Variants in PTPRF observed in about 807,000 individuals in gnomAD.
The protein encoded by PTPRF is protein tyrosine phosphatase receptor type F, also known as receptor-type tyrosine-protein phosphatase F.
PTPRF carries 59 observed loss-of-function variants against 201.8 expected under a neutral mutation model. The ratio of observed to expected loss-of-function variants is 0.29; its 90% CI spans 0.24 to 0.36. The LOEUF (loss-of-function observed/expected upper bound fraction) is 0.36, where lower values mean the gene tolerates loss of function less well. PTPRF is among the 10% of genes least tolerant of loss of function. The pLI is 1.00. For missense variants in PTPRF, 2,132 were observed against 2,690.5 expected, an observed-to-expected ratio of 0.79 and a Z score of 4.59; for synonymous variants, 1,088 against 1,089.7, an observed-to-expected ratio of 1.00 and a Z score of 0.03.
intron 2 of PTPRF, among the ~76,000 whole-genome samples, chr1:43,541,642 C>G (rs1644370248): frequency 6.6e-6 from 1 of 152,224 alleles, no homozygotes; most frequent in Non-Finnish European, 1.5e-5. Flanking sequence ...CTGTCCCCAT[C>G]ATTTCATACA....
At chr1:43,607,969 G>C (rs188622398) in intron 21 of PTPRF, among the ~76,000 whole-genome samples, 1 of 152,380 alleles carries the variant, frequency 6.6e-6, no homozygotes, top group East Asian at 1.9e-4. Flanking sequence ...TGAGCACCTG[G>C]CAGATGAAGA....
In PTPRF at chr1:43,612,638, C is replaced by T. The variant is rs551688479; in HGVS notation, c.3974-980C>T. 311 of 729,734 alleles carry T rather than the reference C, an allele frequency of 4.3e-4. 1 individual carries two copies. The African/African-American group carries it at 4.5e-3, about 11-fold the overall frequency. The allele number at this position is 729,734 out of a possible 1,614,324, so 45.2% of individuals were successfully genotyped here. A position where few individuals can be genotyped will look rare whatever the true frequency, so the allele number is the denominator to read the frequency against. ...CCCCTCACCGCCCCCTCCTCTTCTC[C>T]GCCAGCCCCTCGCAAGCCCGCTCGG... On this transcript the variant is annotated intron_variant, in intron 22 of 33. Coordinates refer to ENST00000359947, the MANE Select transcript of PTPRF (RefSeq NM_002840.5).
intron 22 of PTPRF, among the ~76,000 whole-genome samples, 187 bp downstream of exon 22, chr1:43,609,685 A>C (rs1437960820): frequency 6.6e-6 from 1 of 151,942 alleles, no homozygotes; most frequent in Non-Finnish European, 1.5e-5. Context: ...GAGCCCCCAT[A>C]TCCTGCAGCT....
rs1400048683 is a variant in PTPRF, at chr1:43,619,873, C to T, written c.5111+15C>T. 1.2e-6 allele frequency: 2 copies of T among 1,612,324 alleles called. No homozygotes were observed. On this transcript the variant is annotated intron_variant, in intron 29 of 33. Transcript: ENST00000359947. ...GATGGTTATAGGTCAGCATGCATGT[C>T]ACTGCCCCACCATGCCCTACAGGGG...
intron 1 of PTPRF, among the ~76,000 whole-genome samples, chr1:43,535,140 G>A (rs1283480639): frequency 6.6e-6 from 1 of 152,112 alleles, no homozygotes; most frequent in Non-Finnish European, 1.5e-5. Context: ...TCTGCCTAAG[G>A]TTGCTGCAAT....
At chr1:43,618,584 T>G (rs766394756) in intron 25 of PTPRF, 46 bp from the exon 26 acceptor site, 3 of 1,574,842 alleles carry the variant, frequency 1.9e-6, no homozygotes, top group Non-Finnish European at 2.6e-6. Context: ...TCTGCCCGTC[T>G]GAGCCTGTGG....
rs1645193514 is a variant in PTPRF at position 43,554,025 on chromosome 1, C to T, written c.379+84C>T. The T allele has an allele frequency of 6.5e-7, 1 of 1,542,786 alleles. No individual in the cohort carries two copies. Among genetic ancestry groups the T allele is most frequent in the African/African-American group, 1.4e-5 (1 of 73,328 alleles). On this transcript the variant is annotated intron_variant, in intron 5 of 33. Transcript: ENST00000359947. The surrounding 1 kb of genome is among the most constrained non-coding windows in gnomAD (Gnocchi z 4.1). ...GCCAGCCCTGATCCTGTCCTGGGCC[C>T]ATGTGCATTTGGCAGAAAGGAGGAC...
chr1:43,613,368 GGCC>G (rs1368876518), intron 22 of PTPRF: 3 of 465,124 alleles, frequency 6.4e-6, no homozygotes, highest in Non-Finnish European at 1.2e-5. Flanking sequence ...TGCCAGGCAG[GGCC>G]TAGTGCCCCC....
At chr1:43,532,009 C>T (rs952989816) in intron 1 of PTPRF, among the ~76,000 whole-genome samples, 4 of 152,200 alleles carry the variant, frequency 2.6e-5, no homozygotes, top group African/African-American at 9.7e-5. Flanking sequence ...TCTGTTCTTT[C>T]TCCCCAGGTC....
chr1:43,527,835 A>T (rs1643183826), upstream of PTPRF, among the ~76,000 whole-genome samples: 1 of 152,348 alleles, frequency 6.6e-6, no homozygotes, highest in Non-Finnish European at 1.5e-5. Flanking sequence ...TGCCAGGGCT[A>T]CAGAAGACTG....
In PTPRF at chr1:43,537,404, C is replaced by T. The variant is rs146062112; in HGVS notation, c.-125-794C>T. ...GGCATGTATGTTGGGGTGTGTTCTTCCAGGCTGGGCTGTTTTCTTTGAACT... is the reference window on the plus strand; with the variant it reads ...GGCATGTATGTTGGGGTGTGTTCTTTCAGGCTGGGCTGTTTTCTTTGAACT... On this transcript the variant is annotated intron_variant, in intron 1 of 33. Transcript: ENST00000359947. The surrounding 1 kb of genome is among the most constrained non-coding windows in gnomAD (Gnocchi z 4.8). 9.3e-4 allele frequency among the ~76,000 whole-genome samples: 141 copies of T among 152,308 alleles called. No individual in the cohort carries two copies. Among genetic ancestry groups the T allele is most frequent in the African/African-American group, 3.2e-3 (135 of 41,560 alleles).
At chr1:43,617,630 G>A in intron 24 of PTPRF, 62 bp downstream of exon 24, 1 of 1,609,816 alleles carries the variant, frequency 6.2e-7, no homozygotes, top group Non-Finnish European at 8.5e-7. Context: ...AGGGCAACAT[G>A]TCATTCTACA....
At chr1:43,586,025 G>T (rs1649053378) in intron 7 of PTPRF, among the ~76,000 whole-genome samples, 1 of 152,168 alleles carries the variant, frequency 6.6e-6, no homozygotes, top group Non-Finnish European at 1.5e-5. Flanking sequence ...CTTTTTTCAG[G>T]CCTGTCAGCT....
intron 7 of PTPRF, among the ~76,000 whole-genome samples, chr1:43,581,644 C>T (rs1301711701): frequency 6.6e-6 from 1 of 151,062 alleles, no homozygotes; most frequent in African/African-American, 2.4e-5. Context: ...AGCCCCAGCG[C>T]CTGGGGACAG....
intron 6 of PTPRF, among the ~76,000 whole-genome samples, chr1:43,570,523 G>GC (rs1365237689): frequency 6.6e-6 from 1 of 152,252 alleles, no homozygotes; most frequent in African/African-American, 2.4e-5. Flanking sequence ...GGGATGGTTG[G>GC]CCTCGGGCAG....
intron 5 of PTPRF, among the ~76,000 whole-genome samples, chr1:43,556,215 C>T (rs1557701251): frequency 6.6e-6 from 1 of 152,208 alleles, no homozygotes; most frequent in Non-Finnish European, 1.5e-5. Flanking sequence ...ACACACATCT[C>T]CATTCAGTTA....
Position 43,537,679 on chromosome 1 carries a change from G to A in PTPRF, c.-125-519G>A, listed in dbSNP as rs1379762089. Among the ~76,000 whole-genome samples the A allele has an allele frequency of 3.3e-5, 5 of 152,258 alleles. No individual in the cohort carries two copies. Among genetic ancestry groups the A allele is most frequent in the African/African-American group, 1.2e-4 (5 of 41,464 alleles). On this transcript the variant is annotated intron_variant, in intron 1 of 33. Coordinates refer to ENST00000359947, the MANE Select transcript of PTPRF (RefSeq NM_002840.5). This position sits in a 1 kb window ranked among gnomAD's most constrained non-coding sequence, Gnocchi z 4.8. ...AGGCTTCCCTGAGAAAGTGCCACTG[G>A]ACTTGAGATCCGAGGGTAAGTTGGC... is the stretch of plus-strand genomic sequence containing the variant.
chr1:43,576,009 C>T (rs1041382153), intron 6 of PTPRF: 7 of 1,277,350 alleles, frequency 5.5e-6, no homozygotes, highest in Non-Finnish European at 6.3e-6. Flanking sequence ...AGTCTGTCAC[C>T]TCCCCATCCC....
At chr1:43,586,868 A>G (rs1386280653) in intron 7 of PTPRF, among the ~76,000 whole-genome samples, 1 of 152,188 alleles carries the variant, frequency 6.6e-6, no homozygotes, top group East Asian at 1.9e-4. Context: ...CGGAAGTCCA[A>G]AGGCTGTTTC....
Sources: gnomAD v4.1 joint callset for allele counts (sites outside exome capture counted in the v4.1 genomes callset) on GRCh38, gnomAD v4.1.1 for gene constraint, Gnocchi (gnomAD v3.1) non-coding constraint, MANE v1.5 for transcripts, NCBI Gene and HGNC (gene_info 2026-07-23, HGNC 2026-07-21) for gene names.